Variants in ADGRG6 observed in about 807,000 individuals in gnomAD.
ADGRG6 encodes G-protein coupled receptor 126.
ADGRG6 carries 84 observed loss-of-function variants against 142.4 expected under a neutral mutation model. The observed-to-expected ratio is 0.59, with a 90% CI of 0.49 to 0.71. The LOEUF (loss-of-function observed/expected upper bound fraction) is 0.71. Ranked by LOEUF, ADGRG6 falls within the 30% of genes least tolerant of loss-of-function variation. The pLI is 0.00. For synonymous variants in ADGRG6, 521 were observed against 520.5 expected (o/e 1.00, Z -0.01); for missense variants, 1,367 against 1,466.6 (o/e 0.93, Z 1.11).
At chr6:142,329,405 G>A (rs1224145675) in intron 2 of ADGRG6, among the ~76,000 whole-genome samples, 1 of 151,986 alleles carries the variant, frequency 6.6e-6, no homozygotes, top group African/African-American at 2.4e-5. Context: ...AGACATTTAT[G>A]CCAAAATATT....
chr6:142,393,748 T>C (rs1775028137), intron 8 of ADGRG6, 148 bp from the exon 9 acceptor site: 2 of 582,922 alleles, frequency 3.4e-6, no homozygotes, highest in Admixed American at 6.1e-5. Flanking sequence ...TGCCTAGCTT[T>C]CTGAAAGAAG....
chr6:142,339,915 C>T (rs1161775080), intron 2 of ADGRG6, among the ~76,000 whole-genome samples: 1 of 151,716 alleles, frequency 6.6e-6, no homozygotes, highest in Non-Finnish European at 1.5e-5. Context: ...TTTCTGTGTT[C>T]CATTATCATA....
intron 24 of ADGRG6, among the ~76,000 whole-genome samples, chr6:142,442,083 G>A (rs1777779739): frequency 6.6e-6 from 1 of 152,100 alleles, no homozygotes; most frequent in African/African-American, 2.4e-5. Context: ...GATGATGATG[G>A]CTTTTACCAA....
intron 2 of ADGRG6, among the ~76,000 whole-genome samples, chr6:142,317,563 T>C (rs994214404): frequency 1.3e-5 from 2 of 149,188 alleles, no homozygotes; most frequent in African/African-American, 2.5e-5. Flanking sequence ...GAACATAGAG[T>C]TAATGTTGCT....
chr6:142,383,091 TA>T (rs1200167774), intron 5 of ADGRG6, among the ~76,000 whole-genome samples: 1 of 152,142 alleles, frequency 6.6e-6, no homozygotes, highest in African/African-American at 2.4e-5. Flanking sequence ...ATCTGAAGTT[TA>T]AAAAAAGTTA....
intron 1 of ADGRG6, among the ~76,000 whole-genome samples, chr6:142,303,129 G>A (rs558554679): frequency 3.0e-4 from 46 of 152,266 alleles, no homozygotes; most frequent in Non-Finnish European, 2.6e-4. Context: ...CAACTAAGAA[G>A]TTTCTTTTTC....
chr6:142,399,835 C>T lies in ADGRG6; in HGVS notation c.1568-650C>T, dbSNP rs748091176. On this transcript the variant is annotated intron_variant, in intron 10 of 24. Transcript: ENST00000367609. ...TACAAGAGTTTATTGTTGTTGTTGA[C>T]GTATTGCTGTTACTTTGATATCCTT... is the stretch of plus-strand genomic sequence containing the variant. Among the ~76,000 whole-genome samples, 8 of 152,152 alleles carry T rather than the reference C, an allele frequency of 5.3e-5. No homozygotes were observed. The South Asian group carries it at 1.0e-3, about 20-fold the overall frequency.
At chr6:142,359,082 A>T (rs186573659) in intron 2 of ADGRG6, among the ~76,000 whole-genome samples, 6 of 150,998 alleles carry the variant, frequency 4.0e-5, no homozygotes, top group African/African-American at 1.5e-4. Context: ...TGGTGCATAC[A>T]TGTGGTCTCA....
rs1174650266 is a variant in ADGRG6, at chr6:142,405,815, C to T, written c.2255C>T (p.Thr752Ile). Reference sequence around the variant, plus strand: ...GCACAGTTTACTTTCTTCAACAAAACTGGACTTTTCCAGGTAAGCACATTC... The same window carrying T: ...GCACAGTTTACTTTCTTCAACAAAATTGGACTTTTCCAGGTAAGCACATTC... ...RRAQFTFFNK[T>I]GLFQDVGPQR... The change falls in exon 15 of 25, where the codon ACT becomes ATT. Residue 752 changes from threonine (T) to isoleucine (I), a missense_variant. By Grantham distance (89) the Thr-to-Ile change is moderately conservative (BLOSUM62 -1). Coordinates refer to ENST00000367609, the MANE Select transcript of ADGRG6 (RefSeq NM_198569.3). The T allele has an allele frequency of 1.3e-6, 2 of 1,598,730 alleles. No individual in the cohort carries two copies. The highest frequency in any genetic ancestry group is 1.8e-5 in the Admixed American group (1 of 56,788).
intron 2 of ADGRG6, among the ~76,000 whole-genome samples, chr6:142,313,953 C>G (rs1166679312): frequency 6.6e-6 from 1 of 152,090 alleles, no homozygotes; most frequent in Non-Finnish European, 1.5e-5. Context: ...AAATAAGGCT[C>G]TAATTGTACA....
chr6:142,432,149 G>T (rs115308750), intron 22 of ADGRG6, among the ~76,000 whole-genome samples: 5,893 of 152,076 alleles, frequency 0.039, 227 homozygotes, highest in Middle Eastern at 0.11. Context: ...TTGGCTCTCT[G>T]GCTTCATTTC....
At chr6:142,318,555 G>A (rs918836530) in intron 2 of ADGRG6, among the ~76,000 whole-genome samples, 1 of 149,450 alleles carries the variant, frequency 6.7e-6, no homozygotes. Context: ...AGGATGCAGT[G>A]TGATGTGCGA....
intron 4 of ADGRG6, among the ~76,000 whole-genome samples, chr6:142,373,497 A>G (rs530643956): frequency 6.6e-6 from 1 of 152,276 alleles, no homozygotes; most frequent in Non-Finnish European, 1.5e-5. Flanking sequence ...TCTAGACCAG[A>G]GGTTGGCAAA....
chr6:142,367,391 T>C (rs985472629), intron 2 of ADGRG6, among the ~76,000 whole-genome samples, 178 bp from the exon 3 acceptor site: 6 of 152,248 alleles, frequency 3.9e-5, no homozygotes, highest in African/African-American at 1.2e-4. Context: ...TTTTTGTTGC[T>C]CTATTGATAA....
intron 9 of ADGRG6, 73 bp downstream of exon 9, chr6:142,394,031 A>G (rs1047808597): frequency 2.1e-6 from 2 of 971,800 alleles, no homozygotes; most frequent in African/African-American, 3.2e-5. Flanking sequence ...TAGAGAAATG[A>G]AAACAATTAG....
chr6:142,379,659 C>T (rs1404708198), intron 4 of ADGRG6, among the ~76,000 whole-genome samples: 2 of 152,046 alleles, frequency 1.3e-5, no homozygotes, highest in African/African-American at 4.8e-5. Flanking sequence ...CCCAGCTACT[C>T]GGGAGGCTGA....
At chr6:142,417,472 T>A (rs973898472) in intron 21 of ADGRG6, 103 bp downstream of exon 21, 2 of 647,028 alleles carry the variant, frequency 3.1e-6, no homozygotes, top group East Asian at 5.5e-5. Context: ...AAAAGGTTGA[T>A]GTTTATTCAC....
At chr6:142,330,106 G>A (rs1272868316) in intron 2 of ADGRG6, among the ~76,000 whole-genome samples, 1 of 151,772 alleles carries the variant, frequency 6.6e-6, no homozygotes, top group African/African-American at 2.4e-5. Flanking sequence ...GAGAGGTTAA[G>A]AATTAGGTGG....
intron 2 of ADGRG6, among the ~76,000 whole-genome samples, chr6:142,355,057 C>T (rs946951168): frequency 7.9e-5 from 12 of 152,232 alleles, no homozygotes; most frequent in South Asian, 6.2e-4. Context: ...CACTATTAAC[C>T]AAAAACCTGG....
Sources: allele counts gnomAD v4.1 joint callset (sites outside exome capture counted in the v4.1 genomes callset), GRCh38; gene constraint gnomAD v4.1.1; transcripts MANE v1.5; gene names NCBI Gene and HGNC (gene_info 2026-07-23, HGNC 2026-07-21).